Variants in ROBO2 observed in about 807,000 individuals in gnomAD.
The protein encoded by ROBO2 is roundabout guidance receptor 2, also known as roundabout homolog 2.
In ROBO2, 53 loss-of-function variants were observed where a neutral mutation model predicts 160.8. That is an observed-to-expected ratio of 0.33 (90% CI 0.26 to 0.41). The LOEUF (loss-of-function observed/expected upper bound fraction) is 0.41, where lower values mean the gene tolerates loss of function less well. ROBO2 is among the 10% of genes least tolerant of loss of function. ROBO2 has a pLI of 1.00. For synonymous variants in ROBO2, 664 were observed against 611.7 expected (o/e 1.09, Z -1.26); for missense variants, 1,577 against 1,722.4 (o/e 0.92, Z 1.49).
intron 2 of ROBO2, among the ~76,000 whole-genome samples, chr3:76,550,599 C>G (rs1338263223): frequency 6.6e-6 from 1 of 152,182 alleles, no homozygotes; most frequent in Non-Finnish European, 1.5e-5. Flanking sequence ...ACAGCTGCAA[C>G]TGTCCAGCCA....
At chr3:77,359,887 T>C (rs1388236894) in intron 2 of ROBO2, among the ~76,000 whole-genome samples, 1 of 151,970 alleles carries the variant, frequency 6.6e-6, no homozygotes. Flanking sequence ...GGTTTGACTC[T>C]CTTGCCCAGA....
At chr3:77,137,376 G>C (rs570928024) in intron 2 of ROBO2, among the ~76,000 whole-genome samples, 3 of 152,110 alleles carry the variant, frequency 2.0e-5, no homozygotes, top group South Asian at 4.2e-4. Context: ...ACAGGCATGC[G>C]CCACCACGCC....
chr3:77,311,285 G>T lies in ROBO2; in HGVS notation c.389-166129G>T, dbSNP rs1023307754. 2.0e-5 allele frequency among the ~76,000 whole-genome samples: 3 copies of T among 152,194 alleles called. No homozygotes were observed. In the East Asian group the frequency reaches 5.8e-4, roughly 29 times the overall value. On this transcript the variant is annotated intron_variant, in intron 2 of 25. Transcript: ENST00000461745. ...GTATTTCCAATAATATTGTACTATTGTATGTGCACCGGAAATATCCCGGTG... is the reference window on the plus strand; with the variant it reads ...GTATTTCCAATAATATTGTACTATTTTATGTGCACCGGAAATATCCCGGTG...
At chr3:77,069,346 A>G (rs190799969) in intron 1 of ROBO2, among the ~76,000 whole-genome samples, 39 of 152,298 alleles carry the variant, frequency 2.6e-4, no homozygotes, top group African/African-American at 9.4e-4. Flanking sequence ...TTGGCAAAGA[A>G]GTCGATTGGG....
At chr3:76,753,686 G>A (rs2060808092) in intron 2 of ROBO2, among the ~76,000 whole-genome samples, 1 of 151,800 alleles carries the variant, frequency 6.6e-6, no homozygotes. Flanking sequence ...AGAGACCATT[G>A]CTATTTAAAA....
At chr3:77,025,850 T>C (rs1184912728) in intron 2 of ROBO2, among the ~76,000 whole-genome samples, 1 of 152,214 alleles carries the variant, frequency 6.6e-6, no homozygotes. Context: ...TTTTGCACCA[T>C]ATTGTTTCTT....
intron 2 of ROBO2, among the ~76,000 whole-genome samples, chr3:75,941,723 A>G (rs1313650197): frequency 2.0e-5 from 3 of 152,144 alleles, no homozygotes; most frequent in African/African-American, 7.2e-5. Context: ...TGGCAATTCC[A>G]ATTTTCAGTT....
intron 2 of ROBO2, among the ~76,000 whole-genome samples, chr3:76,438,011 G>A (rs1475602581): frequency 2.0e-5 from 3 of 152,106 alleles, no homozygotes; most frequent in Non-Finnish European, 4.4e-5. Flanking sequence ...AAGACCCATT[G>A]CAAAAGGTTA....
chr3:77,389,721 T>C lies in ROBO2; in HGVS notation c.389-87693T>C, dbSNP rs867491518. Among the ~76,000 whole-genome samples the C allele has an allele frequency of 2.0e-5, 3 of 152,152 alleles. No individual in the cohort carries two copies. In the South Asian group the frequency reaches 6.2e-4, roughly 32 times the overall value. On this transcript the variant is annotated intron_variant, in intron 2 of 25. Coordinates refer to ENST00000461745, the Ensembl canonical transcript of ROBO2. ...CTCCCTTTTTTATTTTTAATTTCTTTGTAATTTCTCTTTTTGACCGAGTTC... is the reference window on the plus strand; with the variant it reads ...CTCCCTTTTTTATTTTTAATTTCTTCGTAATTTCTCTTTTTGACCGAGTTC...
chr3:76,401,790 T>C (rs2077834561), intron 2 of ROBO2, among the ~76,000 whole-genome samples: 1 of 151,364 alleles, frequency 6.6e-6, no homozygotes, highest in South Asian at 2.1e-4. Context: ...TATAAATAAA[T>C]TGAATAGAAT....
At chr3:77,345,866 T>C (rs552662650) in intron 2 of ROBO2, among the ~76,000 whole-genome samples, 6 of 152,208 alleles carry the variant, frequency 3.9e-5, no homozygotes, top group Non-Finnish European at 8.8e-5. Context: ...TGCTCTGTGA[T>C]ATTAAAATGT....
chr3:76,297,484 A>G (rs1559730672), intron 2 of ROBO2, among the ~76,000 whole-genome samples: 1 of 152,166 alleles, frequency 6.6e-6, no homozygotes, highest in South Asian at 2.1e-4. Context: ...TTGTATAATT[A>G]TGTTTTAGCA....
intron 2 of ROBO2, among the ~76,000 whole-genome samples, chr3:76,202,647 A>AT (rs1448870574): frequency 1.3e-5 from 2 of 152,056 alleles, no homozygotes; most frequent in Non-Finnish European, 2.9e-5. Context: ...TACAACCAAA[A>AT]TTTTTTTCCA....
intron 2 of ROBO2, among the ~76,000 whole-genome samples, chr3:76,379,990 G>T (rs1180043621): frequency 6.6e-6 from 1 of 151,348 alleles, no homozygotes; most frequent in Non-Finnish European, 1.5e-5. Flanking sequence ...TCTTATTTCT[G>T]GGCTGTGTAG....
intron 2 of ROBO2, among the ~76,000 whole-genome samples, chr3:77,414,211 C>T (rs964959266): frequency 6.6e-6 from 1 of 152,164 alleles, no homozygotes; most frequent in Non-Finnish European, 1.5e-5. Context: ...TCAGATGCTA[C>T]TTAAGGTCAC....
chr3:76,143,403 G>A (rs1255146788), intron 2 of ROBO2, among the ~76,000 whole-genome samples: 1 of 151,922 alleles, frequency 6.6e-6, no homozygotes, highest in Non-Finnish European at 1.5e-5. Context: ...GGAGCAATCA[G>A]CCAACCTTAT....
chr3:77,527,459 G>A (rs1006555621), intron 6 of ROBO2, 45 bp downstream of exon 7: 2 of 1,244,412 alleles, frequency 1.6e-6, no homozygotes, highest in Non-Finnish European at 2.1e-6. Context: ...TTTGCACAGT[G>A]CTTCATAACT....
At chr3:77,014,484 C>A (rs1321268722) in intron 2 of ROBO2, among the ~76,000 whole-genome samples, 1 of 152,174 alleles carries the variant, frequency 6.6e-6, no homozygotes, top group Non-Finnish European at 1.5e-5. Flanking sequence ...AAGCGAGCTG[C>A]AGCCATGTCA....
intron 2 of ROBO2, among the ~76,000 whole-genome samples, chr3:77,303,083 T>G (rs1038860151): frequency 6.6e-6 from 1 of 152,220 alleles, no homozygotes; most frequent in Admixed American, 6.6e-5. Context: ...GGATTTAATG[T>G]GCTACCAAAT....
Sources: gnomAD v4.1 joint callset for allele counts (sites outside exome capture counted in the v4.1 genomes callset) on GRCh38, gnomAD v4.1.1 for gene constraint, MANE v1.5 for transcripts, NCBI Gene and HGNC (gene_info 2026-07-23, HGNC 2026-07-21) for gene names.